Variants in SLC16A4 observed in about 807,000 individuals in gnomAD.
The protein encoded by SLC16A4 is probable monocarboxylate transporter 5.
In SLC16A4, 39 loss-of-function variants were observed where a neutral mutation model predicts 47.9. The ratio of observed to expected loss-of-function variants is 0.81; its 90% CI spans 0.63 to 1.06. The LOEUF (loss-of-function observed/expected upper bound fraction) is 1.06. Ranked by LOEUF, SLC16A4 falls within the 50% of genes least tolerant of loss-of-function variation. The probability of loss-of-function intolerance (pLI) is 0.00; values close to 1 mark genes in which losing one functional copy is unlikely to be tolerated. For synonymous variants in SLC16A4, 189 were observed against 199.9 expected (o/e 0.95, Z 0.46); for missense variants, 524 against 573.8 (o/e 0.91, Z 0.89).
At chr1:110,387,105 T>C (rs1433878469) in intron 2 of SLC16A4, among the ~76,000 whole-genome samples, 1 of 152,226 alleles carries the variant, frequency 6.6e-6, no homozygotes, top group Non-Finnish European at 1.5e-5. Flanking sequence ...TGTTTATTCA[T>C]AAATGTGTGC....
chr1:110,376,313 T>TA (rs780543503), intron 7 of SLC16A4, among the ~76,000 whole-genome samples: 7 of 152,224 alleles, frequency 4.6e-5, no homozygotes, highest in South Asian at 2.1e-4. Flanking sequence ...CTGTAGCACT[T>TA]ACGCTAATAT....
intron 8 of SLC16A4, among the ~76,000 whole-genome samples, chr1:110,366,232 A>T (rs145392349): frequency 1.3e-3 from 198 of 151,672 alleles, no homozygotes; most frequent in African/African-American, 4.5e-3. Flanking sequence ...ATCTCGGCTC[A>T]CTGCAACCTC....
At chr1:110,369,444 G>GA (rs1472183817) in intron 8 of SLC16A4, among the ~76,000 whole-genome samples, 1 of 151,804 alleles carries the variant, frequency 6.6e-6, no homozygotes, top group East Asian at 1.9e-4. Context: ...ACTAAAAATA[G>GA]AAAAAATTAG....
Position 110,377,034 on chromosome 1 carries a change from GGCT to G in SLC16A4, c.1155_1157del (p.Leu385_Ala386delinsPhe). ...AGGTCATAAGTAGTGGAAATGTGGT[GGCT>G]AAAGGAGCAAGCAGGTTAGTGATGC... On this transcript the variant is annotated inframe_deletion, in exon 7 of 9. Transcript: ENST00000369779. The G allele has an allele frequency of 1.2e-6, 2 of 1,614,000 alleles. No homozygotes were observed.
In SLC16A4 at chr1:110,378,953, G is replaced by A. The variant is rs1472666893; in HGVS notation, c.930C>T (p.Leu310=). The A allele has an allele frequency of 3.1e-6, 5 of 1,614,148 alleles. No homozygotes were observed. The highest frequency in any genetic ancestry group is 4.2e-6 in the Non-Finnish European group (5 of 1,180,026). ...FFYIFTWSFL[L]SQLAYFIPTF... is the part of the protein sequence containing the mutation. Reference sequence around the variant, plus strand: ...TAGGGATGAAGTATGCTAACTGACTGAGGAGAAAAGACCAAGTAAATATGT... The same window carrying A: ...TAGGGATGAAGTATGCTAACTGACTAAGGAGAAAAGACCAAGTAAATATGT... The change falls in exon 6 of 9, where the codon CTC becomes CTT. Residue 310 remains leucine (L), a synonymous_variant. Transcript: ENST00000369779.
At chr1:110,385,110 A>T (rs772737693) in intron 2 of SLC16A4, among the ~76,000 whole-genome samples, 42 of 152,124 alleles carry the variant, frequency 2.8e-4, no homozygotes, top group Non-Finnish European at 5.9e-4. Context: ...ATCTCGCTTG[A>T]TATCTGCTCC....
chr1:110,379,240 A>AACT lies in SLC16A4; in HGVS notation c.640_642dup (p.Ser214dup). ...TGTGCCTCTGGACCATGTGCAGACA[A>AACT]ACTGCTGCCTTTATCTTTAATACCA... On this transcript the variant is annotated inframe_insertion, in exon 6 of 9. Transcript: ENST00000369779. The AACT allele has an allele frequency of 6.2e-7, 1 of 1,614,212 alleles. No homozygotes were observed. Among genetic ancestry groups the AACT allele is most frequent in the Non-Finnish European group, 8.5e-7 (1 of 1,180,038 alleles).
intron 8 of SLC16A4, chr1:110,370,183 A>G (rs1466113990): frequency 6.6e-6 from 1 of 152,310 alleles, no homozygotes; most frequent in East Asian, 1.9e-4. Context: ...AAAAATCTGT[A>G]AGGCTTTGTA....
intron 8 of SLC16A4, among the ~76,000 whole-genome samples, chr1:110,368,417 G>A (rs1307567635): frequency 6.6e-6 from 1 of 152,202 alleles, no homozygotes; most frequent in East Asian, 1.9e-4. Flanking sequence ...GAAGACCTCT[G>A]TAAGCATTTC....
intron 1 of SLC16A4, among the ~76,000 whole-genome samples, chr1:110,390,221 A>G (rs1662965556): frequency 6.6e-6 from 1 of 152,122 alleles, no homozygotes; most frequent in African/African-American, 2.4e-5. Flanking sequence ...AACTGTACTC[A>G]GTGTCCCTCC....
At chr1:110,377,485 T>G (rs1662072083) in intron 6 of SLC16A4, among the ~76,000 whole-genome samples, 1 of 152,208 alleles carries the variant, frequency 6.6e-6, no homozygotes, top group African/African-American at 2.4e-5. Context: ...CCATGCAGTC[T>G]CTTCGTCTAA....
chr1:110,382,618 T>C (rs1283702293), intron 3 of SLC16A4, among the ~76,000 whole-genome samples: 1 of 152,182 alleles, frequency 6.6e-6, no homozygotes, highest in Non-Finnish European at 1.5e-5. Context: ...ATTTAATAAT[T>C]CCTCAGCTTT....
intron 8 of SLC16A4, among the ~76,000 whole-genome samples, chr1:110,373,892 G>C (rs1392120634): frequency 6.6e-6 from 1 of 151,846 alleles, no homozygotes; most frequent in African/African-American, 2.4e-5. Context: ...GTCCAGGCTG[G>C]TCTGGAACTC....
intron 2 of SLC16A4, among the ~76,000 whole-genome samples, chr1:110,388,859 T>G (rs757254010): frequency 2.0e-5 from 3 of 152,204 alleles, no homozygotes; most frequent in Non-Finnish European, 4.4e-5. Context: ...TACAGGTGCA[T>G]GCCACTGCAC....
intron 8 of SLC16A4, among the ~76,000 whole-genome samples, chr1:110,369,242 T>C (rs1661566821): frequency 6.6e-6 from 1 of 151,536 alleles, no homozygotes; most frequent in African/African-American, 2.4e-5. Context: ...CGTGAGCCAC[T>C]GTGCCCAGTC....
At chr1:110,375,357 C>G (rs891017800) in intron 8 of SLC16A4, 101 bp downstream of exon 8, 3 of 731,484 alleles carry the variant, frequency 4.1e-6, no homozygotes, top group African/African-American at 3.5e-5. Context: ...TAATCTGTTT[C>G]TTTTAACCTG....
At chr1:110,383,044 T>C (rs1662508881) in intron 2 of SLC16A4, 78 bp from the exon 3 acceptor site, 7 of 1,340,242 alleles carry the variant, frequency 5.2e-6, no homozygotes, top group East Asian at 4.8e-5. Flanking sequence ...CTAGAAGTTA[T>C]GATTCCCTCA....
chr1:110,375,666 G>T, intron 7 of SLC16A4, 115 bp from the exon 8 acceptor site: 1 of 594,004 alleles, frequency 1.7e-6, no homozygotes, highest in Non-Finnish European at 3.0e-6. Context: ...AGTGACTTCT[G>T]GGGTGAGTTG....
At chr1:110,376,542 CT>C (rs1662012391) in intron 7 of SLC16A4, among the ~76,000 whole-genome samples, 1 of 152,198 alleles carries the variant, frequency 6.6e-6, no homozygotes, top group South Asian at 2.1e-4. Flanking sequence ...AAGGCAATAA[CT>C]TCAAGAGAGA....
Sources: allele counts gnomAD v4.1 joint callset (sites outside exome capture counted in the v4.1 genomes callset), GRCh38; gene constraint gnomAD v4.1.1; transcripts MANE v1.5; gene names NCBI Gene and HGNC (gene_info 2026-07-23, HGNC 2026-07-21).